VDAC2: variants seen among roughly 807,000 people sequenced by gnomAD.
VDAC2 encodes the protein non-selective voltage-gated ion channel VDAC2.
A neutral mutation model predicts 36.6 loss-of-function variants in VDAC2; 6 were observed. The observed-to-expected ratio is 0.16, with a 90% confidence interval of 0.09 to 0.32. The LOEUF (loss-of-function observed/expected upper bound fraction) is 0.32, where lower values mean the gene tolerates loss of function less well. VDAC2 is among the 10% of genes least tolerant of loss of function. VDAC2 has a pLI of 1.00. For synonymous variants in VDAC2, 109 were observed against 123.8 expected, an observed-to-expected ratio of 0.88 and a Z score of 0.79; for missense variants, 247 against 346.0, an observed-to-expected ratio of 0.71 and a Z score of 2.27.
intron 6 of VDAC2, among the ~76,000 whole-genome samples, chr10:75,220,295 G>T (rs1841772544): frequency 6.6e-6 from 1 of 151,972 alleles, no homozygotes; most frequent in African/African-American, 2.4e-5. Flanking sequence ...TTTTAGTAGA[G>T]ACGGGATTTC....
intron 8 of VDAC2, among the ~76,000 whole-genome samples, chr10:75,225,762 AT>A (rs1278880789): frequency 2.7e-5 from 4 of 150,262 alleles, no homozygotes; most frequent in African/African-American, 9.8e-5. Flanking sequence ...CTGCTGAGCT[AT>A]TTTTTTTTCT....
chr10:75,212,100 G>T (rs1841441630), intron 2 of VDAC2, 130 bp from the exon 3 acceptor site: 3 of 777,376 alleles, frequency 3.9e-6, no homozygotes, highest in Admixed American at 2.6e-5. Context: ...TGTAGCTCCT[G>T]ACCGCATAAA....
chr10:75,212,395 TCTTGCTG>T, intron 3 of VDAC2, 97 bp downstream of exon 3: 1 of 1,101,570 alleles, frequency 9.1e-7, no homozygotes, highest in Non-Finnish European at 1.3e-6. Flanking sequence ...ATTGTAAATA[TCTTGCTG>T]CTTTAAATTT....
At chr10:75,211,273 C>T (rs1397568520) in intron 2 of VDAC2, 84 bp downstream of exon 2, 12 of 1,547,790 alleles carry the variant, frequency 7.8e-6, no homozygotes, top group African/African-American at 5.5e-5. Flanking sequence ...TTCCCCCTAT[C>T]TTTCCAAGAA....
chr10:75,229,824 C>A, intron 9 of VDAC2, 123 bp downstream of exon 9: 1 of 652,680 alleles, frequency 1.5e-6, no homozygotes, highest in Non-Finnish European at 2.4e-6. Flanking sequence ...ACAATAAATA[C>A]GTGTTTACCT....
intron 4 of VDAC2, among the ~76,000 whole-genome samples, chr10:75,218,551 C>T (rs965418925): frequency 2.6e-5 from 4 of 152,142 alleles, no homozygotes; most frequent in Admixed American, 2.6e-4. Context: ...CACCTGAGGT[C>T]AGGAGTTGGA....
chr10:75,211,118 C>T lies in VDAC2; in HGVS notation c.-25-16C>T, dbSNP rs369139809. ...CCTTTGACCCCAGCTTACCGCACTT[C>T]TTGTCCCTCCCGCAGATTCCCCTCT... On this transcript the variant is annotated splice_polypyrimidine_tract_variant and intron_variant, in intron 1 of 9. Coordinates refer to ENST00000332211, the MANE Select transcript of VDAC2 (RefSeq NM_001391963.1). The T allele has an allele frequency of 1.2e-4, 187 of 1,602,686 alleles. 2 individuals are homozygous for T. Among genetic ancestry groups the T allele is most frequent in the Middle Eastern group, 5.0e-4 (3 of 6,044 alleles).
intron 7 of VDAC2, 156 bp downstream of exon 7, chr10:75,221,126 T>C (rs549642031): frequency 2.8e-6 from 2 of 716,414 alleles, no homozygotes; most frequent in Non-Finnish European, 4.6e-6. Flanking sequence ...CTTGAAAGTT[T>C]ATAGTAGAAG....
intron 4 of VDAC2, among the ~76,000 whole-genome samples, chr10:75,217,708 G>A (rs1477582353): frequency 6.6e-6 from 1 of 152,062 alleles, no homozygotes; most frequent in African/African-American, 2.4e-5. Flanking sequence ...AGGTATTGAG[G>A]GCTATGCTTT....
intron 3 of VDAC2, among the ~76,000 whole-genome samples, chr10:75,213,295 G>A (rs577941827): frequency 1.3e-5 from 2 of 150,850 alleles, no homozygotes; most frequent in South Asian, 4.2e-4. Flanking sequence ...GGCCAGGCTG[G>A]TTTTGAACTC....
rs1842091163 is a variant in VDAC2 at position 75,231,191 on chromosome 10, CTGCAGTCA to C, written c.*203_*210del. ...TTATCTAGTTACCAATGCTGCAGTC[CTGCAGTCA>C]CCTATACATTATTTAAATGTATTTA... On this transcript the variant is annotated 3_prime_UTR_variant, in exon 10 of 10. Coordinates refer to ENST00000332211, the MANE Select transcript of VDAC2 (RefSeq NM_001391963.1). The C allele has an allele frequency of 1.9e-6, 1 of 525,668 alleles. No homozygotes were observed. The highest frequency in any genetic ancestry group is 1.9e-5 in the African/African-American group (1 of 51,476). The allele number at this position is 525,668 out of a possible 1,614,324, so 32.6% of individuals were successfully genotyped here.
intron 6 of VDAC2, 151 bp downstream of exon 6, chr10:75,219,507 G>A (rs1841735603): frequency 2.9e-6 from 2 of 694,294 alleles, no homozygotes; most frequent in Non-Finnish European, 4.6e-6. Flanking sequence ...ATTTGAGATG[G>A]AGTCTTTGCT....
intron 8 of VDAC2, among the ~76,000 whole-genome samples, chr10:75,225,181 C>G (rs1337295546): frequency 6.6e-6 from 1 of 152,172 alleles, no homozygotes; most frequent in Non-Finnish European, 1.5e-5. Context: ...TCACTATCAG[C>G]TGATTTCCAT....
At chr10:75,225,247 G>T (rs1057481806) in intron 8 of VDAC2, among the ~76,000 whole-genome samples, 1 of 152,080 alleles carries the variant, frequency 6.6e-6, no homozygotes, top group Non-Finnish European at 1.5e-5. Flanking sequence ...AAAGAAAGCT[G>T]GTACAAGATG....
At chr10:75,226,629 A>G (rs567640566) in intron 8 of VDAC2, among the ~76,000 whole-genome samples, 1 of 151,754 alleles carries the variant, frequency 6.6e-6, no homozygotes, top group African/African-American at 2.4e-5. Flanking sequence ...AGCCCGACTA[A>G]TTTTTGTATT....
intron 6 of VDAC2, among the ~76,000 whole-genome samples, chr10:75,219,802 A>C (rs1183852409): frequency 1.6e-5 from 2 of 121,658 alleles, no homozygotes; most frequent in Non-Finnish European, 3.3e-5. Flanking sequence ...TTTTTTCCAT[A>C]TTTTATTTTA....
intron 4 of VDAC2, among the ~76,000 whole-genome samples, chr10:75,216,070 GT>G (rs1229907362): frequency 2.0e-5 from 3 of 152,176 alleles, no homozygotes; most frequent in African/African-American, 7.2e-5. Flanking sequence ...CTGTCGCTTG[GT>G]TTTTTTGGTC....
Position 75,220,334 on chromosome 10 carries a change from C to T in VDAC2, c.357-409C>T, listed in dbSNP as rs1029995903. On this transcript the variant is annotated intron_variant, in intron 6 of 9. Transcript: ENST00000332211. Reference sequence around the variant, plus strand: ...ATGCTGGCCAGGCTGATCTTAAACTCCTGACCTCAGGTGATCCGCCCGCCT... The same window carrying T: ...ATGCTGGCCAGGCTGATCTTAAACTTCTGACCTCAGGTGATCCGCCCGCCT... 3.4e-4 allele frequency among the ~76,000 whole-genome samples: 52 copies of T among 152,230 alleles called. 1 individual carries two copies. The highest frequency in any genetic ancestry group is 6.0e-4 in the African/African-American group (25 of 41,556).
chr10:75,220,322 T>C (rs1394966324), intron 6 of VDAC2, among the ~76,000 whole-genome samples: 7 of 151,814 alleles, frequency 4.6e-5, no homozygotes, highest in African/African-American at 1.7e-4. Flanking sequence ...CTGGCCAGGC[T>C]GATCTTAAAC....
Sources: gnomAD v4.1 joint callset for allele counts (sites outside exome capture counted in the v4.1 genomes callset) on GRCh38, gnomAD v4.1.1 for gene constraint, MANE v1.5 for transcripts, NCBI Gene and HGNC (gene_info 2026-07-23, HGNC 2026-07-21) for gene names.